INSR: variants seen among roughly 807,000 people sequenced by gnomAD.
The protein encoded by INSR is IR.
INSR carries 67 observed loss-of-function variants against 142.6 expected under a neutral mutation model. That is an observed-to-expected ratio of 0.47 (90% CI 0.39 to 0.58). INSR has a LOEUF of 0.58. Ranked by LOEUF, INSR falls within the 20% of genes least tolerant of loss-of-function variation. The pLI, the probability that INSR is intolerant of heterozygous loss-of-function variation, is 0.00. For synonymous variants in INSR, 756 were observed against 743.1 expected (o/e 1.02, Z -0.28); for missense variants, 1,248 against 1,833.2 (o/e 0.68, Z 5.83).
intron 2 of INSR, among the ~76,000 whole-genome samples, chr19:7,247,026 G>T (rs201635668): frequency 8.2e-6 from 1 of 122,286 alleles, no homozygotes. Flanking sequence ...TCCAAGGTCT[G>T]TGTTTCAGAG....
intron 9 of INSR, among the ~76,000 whole-genome samples, chr19:7,156,318 C>T (rs980481270): frequency 6.6e-6 from 1 of 151,996 alleles, no homozygotes; most frequent in African/African-American, 2.4e-5. Context: ...ACCTCGGCCT[C>T]CCAAAGTGCT....
At chr19:7,144,506 C>A (rs1422454458) in intron 11 of INSR, among the ~76,000 whole-genome samples, 1 of 152,022 alleles carries the variant, frequency 6.6e-6, no homozygotes, top group Non-Finnish European at 1.5e-5. Flanking sequence ...TGAGTTCATG[C>A]GATTCTCCTG....
At chr19:7,134,449 AT>A (rs11409928) in intron 13 of INSR, among the ~76,000 whole-genome samples, 139 of 148,182 alleles carry the variant, frequency 9.4e-4, no homozygotes, top group African/African-American at 3.0e-3. Flanking sequence ...CTGCCTTTCG[AT>A]TTTTTTTTTT....
intron 1 of INSR, among the ~76,000 whole-genome samples, chr19:7,283,748 C>G (rs1362343630): frequency 2.0e-5 from 3 of 152,028 alleles, no homozygotes; most frequent in Non-Finnish European, 4.4e-5. Flanking sequence ...AGTTTTAAAC[C>G]ACTTGCAGCC....
At chr19:7,287,224 A>C (rs564697897) in intron 1 of INSR, among the ~76,000 whole-genome samples, 6 of 149,174 alleles carry the variant, frequency 4.0e-5, no homozygotes, top group Non-Finnish European at 8.9e-5. Flanking sequence ...CAGTGGCGCA[A>C]TCTCGGCTCA....
intron 2 of INSR, among the ~76,000 whole-genome samples, chr19:7,253,699 GT>G (rs1385093576): frequency 6.6e-6 from 1 of 152,102 alleles, no homozygotes; most frequent in Non-Finnish European, 1.5e-5. Flanking sequence ...ACACTTTCTT[GT>G]TTGCTTCCCA....
intron 2 of INSR, among the ~76,000 whole-genome samples, chr19:7,249,055 A>AT (rs1320010806): frequency 2.0e-5 from 3 of 152,074 alleles, no homozygotes; most frequent in African/African-American, 7.2e-5. Context: ...TACTGCGCCC[A>AT]TGTCCCCCAG....
chr19:7,223,256 A>G (rs889110696), intron 2 of INSR, among the ~76,000 whole-genome samples: 2 of 152,210 alleles, frequency 1.3e-5, no homozygotes, highest in Non-Finnish European at 1.5e-5. Flanking sequence ...TACACTTTAC[A>G]TGTCACAAGC....
At chr19:7,247,385 T>C (rs992143298) in intron 2 of INSR, among the ~76,000 whole-genome samples, 3 of 152,160 alleles carry the variant, frequency 2.0e-5, no homozygotes, top group African/African-American at 7.2e-5. Flanking sequence ...TGAGCCCCGG[T>C]CAACACACCT....
In INSR at chr19:7,185,641, G is replaced by C. The variant is rs1011931111; in HGVS notation, c.653-1004C>G. On this transcript the variant is annotated intron_variant, in intron 2 of 21. Transcript: ENST00000302850. ...GTGGATCACCTGAGGTCAGGAGTTT[G>C]AGACCAGCCTGGTCAACATGGTGAA... Among the ~76,000 whole-genome samples, 327 of 149,236 alleles carry C rather than the reference G, an allele frequency of 2.2e-3. 1 individual carries two copies. Among genetic ancestry groups the C allele is most frequent in the African/African-American group, 7.2e-3 (289 of 40,316 alleles).
intron 9 of INSR, among the ~76,000 whole-genome samples, chr19:7,153,322 CCA>C (rs1486669338): frequency 6.9e-6 from 1 of 144,454 alleles, no homozygotes; most frequent in Non-Finnish European, 1.5e-5. Context: ...CACACACACA[CCA>C]CACACACCCA....
At chr19:7,158,045 GTATTATTATTAT>G (rs72379188) in intron 9 of INSR, among the ~76,000 whole-genome samples, 10,894 of 141,146 alleles carry the variant, frequency 0.077, 442 homozygotes, top group Middle Eastern at 0.1. Flanking sequence ...GAAGCTCCTG[GTATTATTATTAT>G]TATTATTATT....
At chr19:7,138,972 A>G (rs949427320) in intron 13 of INSR, among the ~76,000 whole-genome samples, 7 of 152,162 alleles carry the variant, frequency 4.6e-5, no homozygotes, top group Admixed American at 2.0e-4. Context: ...AGATACTCAG[A>G]GGATGTATTG....
Position 7,192,262 on chromosome 19 carries a change from GAAAAGAAAAGAAAAGAAAAGAA to G in INSR, c.653-7647_653-7626del, listed in dbSNP as rs1435602757. Among the ~76,000 whole-genome samples the G allele has an allele frequency of 7.5e-4, 18 of 23,902 alleles. No individual in the cohort carries two copies. The highest frequency in any genetic ancestry group is 1.4e-3 in the Non-Finnish European group (16 of 11,510). The allele number at this position is 23,902 out of a possible 152,430, so 15.7% of individuals were successfully genotyped here. ...AAGGGAGGGAGGGAAGAAAAGAAAA[GAAAAGAAAAGAAAAGAAAAGAA>G]AAGAAAAGAAAAGAAAAGAAAAGAA... On this transcript the variant is annotated intron_variant, in intron 2 of 21. Transcript: ENST00000302850. This position sits in a 1 kb window ranked among gnomAD's most constrained non-coding sequence, Gnocchi z 4.2.
Position 7,163,031 on chromosome 19 carries a change from C to T in INSR, c.2029+1G>A, listed in dbSNP as rs1156335249. On this transcript the variant is annotated splice_donor_variant, in intron 9 of 21. Coordinates refer to ENST00000302850, the MANE Select transcript of INSR (RefSeq NM_000208.4). LOFTEE classifies it high-confidence loss of function. ...ATCCTAGCACAGCTGCCTGCACTCA[C>T]CTTTGAGGCAATAATCCAGCTCGAA... The T allele has an allele frequency of 6.2e-7, 1 of 1,613,172 alleles. No individual in the cohort carries two copies. Among genetic ancestry groups the T allele is most frequent in the Non-Finnish European group, 8.5e-7 (1 of 1,179,928 alleles).
chr19:7,163,199 T>C lies in INSR; in HGVS notation c.1862A>G (p.Asn621Ser), dbSNP rs1266683305. 5 of 1,612,112 alleles carry C rather than the reference T, an allele frequency of 3.1e-6. No homozygotes were observed. The highest frequency in any genetic ancestry group is 4.2e-6 in the Non-Finnish European group (5 of 1,178,858). Residue 621 changes from asparagine (N) to serine (S), a missense_variant and splice_region_variant, in exon 9 of 22, where the codon AAC (asparagine) becomes AGC (serine). By Grantham distance (46) the Asn-to-Ser change is conservative. This residue lies in a region of INSR where 1,069 missense variants were observed against 1,654.0 expected (regional missense o/e 0.65). Transcript: ENST00000302850. The stretch of plus-strand genomic sequence containing the variant: ...GATTGGATCCAGGGGCACAGAGGGG[T>C]CTGTCAGGGAGAAAGGAAATGGGTC... Reference protein sequence around the residue: ...DIIYVQTDATNPSVPLDPISV... With the variant: ...DIIYVQTDATSPSVPLDPISV...
In INSR at chr19:7,168,850, T is replaced by C. The variant is rs3786682; in HGVS notation, c.1484-756A>G. Reference sequence around the variant, plus strand: ...AACTCCTGACCTCAAGTGATCTGCCTGCCTCGGCCTCCCAGAGTGCTGGGA... The same window carrying C: ...AACTCCTGACCTCAAGTGATCTGCCCGCCTCGGCCTCCCAGAGTGCTGGGA... On this transcript the variant is annotated intron_variant, in intron 6 of 21. Transcript: ENST00000302850. The surrounding 1 kb of genome is among the most constrained non-coding windows in gnomAD (Gnocchi z 4.3). Among the ~76,000 whole-genome samples, 36,631 of 151,932 alleles carry C rather than the reference T, an allele frequency of 0.24. 4,495 individuals carry two copies. Among genetic ancestry groups the C allele is most frequent in the Middle Eastern group, 0.3 (88 of 294 alleles).
At chr19:7,134,363 T>C (rs1284035609) in intron 13 of INSR, among the ~76,000 whole-genome samples, 1 of 152,130 alleles carries the variant, frequency 6.6e-6, no homozygotes, top group African/African-American at 2.4e-5. Flanking sequence ...TCCCAGCCTC[T>C]GTCACATCAG....
chr19:7,168,109 A>G lies in INSR; in HGVS notation c.1484-15T>C. On this transcript the variant is annotated splice_polypyrimidine_tract_variant and intron_variant, in intron 6 of 21. Coordinates refer to ENST00000302850, the MANE Select transcript of INSR (RefSeq NM_000208.4). This position sits in a 1 kb window ranked among gnomAD's most constrained non-coding sequence, Gnocchi z 4.3. ...CTCATTTTCACCTGGAAAAGTTAAAACAAAAGGCAAAAATGAGCTATTTCA... is the reference window on the plus strand; with the variant it reads ...CTCATTTTCACCTGGAAAAGTTAAAGCAAAAGGCAAAAATGAGCTATTTCA... 6.2e-7 allele frequency: 1 copy of G among 1,613,584 alleles called. No homozygotes were observed. Among genetic ancestry groups the G allele is most frequent in the East Asian group, 2.2e-5 (1 of 44,856 alleles).
Sources: gnomAD v4.1 joint callset for allele counts (sites outside exome capture counted in the v4.1 genomes callset) on GRCh38, gnomAD v4.1.1 for gene constraint, gnomAD v4.1.1 regional missense constraint, Gnocchi (gnomAD v3.1) non-coding constraint, MANE v1.5 for transcripts, NCBI Gene and HGNC (gene_info 2026-07-23, HGNC 2026-07-21) for gene names.